TH: variants seen among roughly 807,000 people sequenced by gnomAD.
The protein encoded by TH is tyrosine hydroxylase, also known as tyrosine 3-monooxygenase.
In TH, 49 loss-of-function variants were observed where a neutral mutation model predicts 57.4. The ratio of observed to expected loss-of-function variants is 0.85; its 90% confidence interval spans 0.68 to 1.08. TH has a LOEUF of 1.08. TH is among the 50% of genes least tolerant of loss of function. The probability of loss-of-function intolerance (pLI) is 0.00; values close to 1 mark genes in which losing one functional copy is unlikely to be tolerated. For synonymous variants in TH, 330 were observed against 304.5 expected (o/e 1.08, Z -0.87); for missense variants, 720 against 696.7 (o/e 1.03, Z -0.38).
chr11:2,165,329 C>T lies in TH; in HGVS notation c.1237G>A (p.Asp413Asn), dbSNP rs201996748. Residue 413 changes from aspartate (D) to asparagine (N), a missense_variant, in exon 12 of 13, where the codon GAC becomes AAC. By Grantham distance (23) the Asp-to-Asn change is conservative. Transcript: ENST00000352909. ...GGCTGCACGGCCGCAGCCTCAGGGTCGAAGGCCCGAATCTCAGGCTCCTCA... is the reference window on the plus strand; with the variant it reads ...GGCTGCACGGCCGCAGCCTCAGGGTTGAAGGCCCGAATCTCAGGCTCCTCA... Reference protein sequence around the residue: ...LSEEPEIRAFDPEAAAVQPYQ... With the variant: ...LSEEPEIRAFNPEAAAVQPYQ... 61 of 1,612,216 alleles carry T rather than the reference C, an allele frequency of 3.8e-5. No homozygotes were observed. Among genetic ancestry groups the T allele is most frequent in the Admixed American group, 1.2e-4 (7 of 60,024 alleles).
In TH at chr11:2,164,011, C is replaced by T; in HGVS notation, c.*222G>A. ...AAGGGCGGAGGGCAGTGCAGCAGCC[C>T]CCAGGACCCTGGGAGCCAGGACAGG... On this transcript the variant is annotated 3_prime_UTR_variant, in exon 13 of 13. Transcript: ENST00000352909. 2.5e-6 allele frequency: 1 copy of T among 405,938 alleles called. No homozygotes were observed. The highest frequency in any genetic ancestry group is 4.3e-6 in the Non-Finnish European group (1 of 231,706). 25.1% of individuals were successfully genotyped at this position (405,938 alleles called of 1,614,324 possible). A position where few individuals can be genotyped will look rare whatever the true frequency, so the allele number is the denominator to read the frequency against.
Position 2,164,400 on chromosome 11 carries a change from G to A in TH, c.1335-8C>T. On this transcript the variant is annotated splice_polypyrimidine_tract_variant and splice_region_variant and intron_variant, in intron 12 of 12. Transcript: ENST00000352909. The stretch of plus-strand genomic sequence containing the variant: ...ATGCGTGAGGCATAGCTCCTGGGGA[G>A]GAGAGCGGCAGAGCCCTCGTCAACT... 6.5e-7 allele frequency: 1 copy of A among 1,546,320 alleles called. No homozygotes were observed. Among genetic ancestry groups the A allele is most frequent in the East Asian group, 2.4e-5 (1 of 41,758 alleles).
rs1323498053 is a variant in TH, at chr11:2,166,712, G to A, written c.898C>T (p.Leu300=). 1 of 1,552,208 alleles carries A rather than the reference G, an allele frequency of 6.4e-7. No homozygotes were observed. Among genetic ancestry groups the A allele is most frequent in the African/African-American group, 1.4e-5 (1 of 73,330 alleles). Residue 300 remains leucine, a synonymous_variant, in exon 8 of 13, where the codon CTG becomes TTG. Transcript: ENST00000352909. ...VAGLLSARDF[L]ASLAFRVFQC... is the part of the protein sequence containing the mutation. ...AACACGCGGAAGGCCAGGCTGGCCA[G>A]GAAGTCCCGGGCGGACAGCAGGCCG...
intron 6 of TH, 21 bp downstream of exon 6, chr11:2,167,414 C>G: frequency 6.4e-7 from 1 of 1,556,526 alleles, no homozygotes. Flanking sequence ...TCCCCAGCCC[C>G]TAGCTGCACG....
chr11:2,167,248 G>T, intron 6 of TH, 187 bp downstream of exon 6: 1 of 956,388 alleles, frequency 1.0e-6, no homozygotes, highest in Non-Finnish European at 1.6e-6. Flanking sequence ...AGCACACTGG[G>T]GATGGCCCGA....
rs1846239099 is a variant in TH, at chr11:2,170,998, A to C, written c.90+699T>G. ...CACCGAAGACCCCTCCTGTGGGCTGAAAAGCTCCCGATTATCCAGCCTGGC... is the reference window on the plus strand; with the variant it reads ...CACCGAAGACCCCTCCTGTGGGCTGCAAAGCTCCCGATTATCCAGCCTGGC... On this transcript the variant is annotated intron_variant, in intron 1 of 12. Transcript: ENST00000352909. This position sits in a 1 kb window ranked among gnomAD's most constrained non-coding sequence, Gnocchi z 6.0. Among the ~76,000 whole-genome samples, 1 of 152,122 alleles carries C rather than the reference A, an allele frequency of 6.6e-6. No individual in the cohort carries two copies. Among genetic ancestry groups the C allele is most frequent in the Admixed American group, 6.5e-5 (1 of 15,282 alleles).
In TH at chr11:2,167,884, A is replaced by G. The variant is rs1846143596; in HGVS notation, c.626T>C (p.Ile209Thr). Residue 209 changes from isoleucine (I) to threonine (T), a missense_variant, in exon 5 of 13, where the codon ATC becomes ACC. By Grantham distance (89) the Ile-to-Thr change is moderately conservative. Coordinates refer to ENST00000352909, the MANE Select transcript of TH (RefSeq NM_000360.4). ...YRQRRKLIAEIAFQYRHGDPI... is the reference protein window; with the variant it reads ...YRQRRKLIAETAFQYRHGDPI... ...CCCTCACTGCCTGTACTGGAAGGCGATCTCAGCAATCAGCTTCCTGCGCTG... is the reference window on the plus strand; with the variant it reads ...CCCTCACTGCCTGTACTGGAAGGCGGTCTCAGCAATCAGCTTCCTGCGCTG... 1.2e-6 allele frequency: 2 copies of G among 1,609,096 alleles called. No individual in the cohort carries two copies. The highest frequency in any genetic ancestry group is 1.3e-5 in the African/African-American group (1 of 74,828).
At position 2,170,115 on chromosome 11, in the gene TH, C is replaced by T. The variant is rs956094233; in HGVS notation, c.91-244G>A. ...AGTGGTGGTGGGGGAGGAGTGGGGGCTGGGAAGGTGCTCGCCTGCTCCCCA... is the reference window on the plus strand; with the variant it reads ...AGTGGTGGTGGGGGAGGAGTGGGGGTTGGGAAGGTGCTCGCCTGCTCCCCA... On this transcript the variant is annotated intron_variant, in intron 1 of 12. Transcript: ENST00000352909. The surrounding 1 kb of genome is among the most constrained non-coding windows in gnomAD (Gnocchi z 6.0). 6.6e-6 allele frequency among the ~76,000 whole-genome samples: 1 copy of T among 152,118 alleles called. No homozygotes were observed. Among genetic ancestry groups the T allele is most frequent in the Non-Finnish European group, 1.5e-5 (1 of 68,004 alleles).
chr11:2,171,667 C>T lies in TH; in HGVS notation c.90+30G>A, dbSNP rs200408490. ...ACCAGCCCTGGGCTCCGGTCCACTG[C>T]GGCCGCCGGGCACCTACCTGCCCTC... On this transcript the variant is annotated intron_variant, in intron 1 of 12. Coordinates refer to ENST00000352909, the MANE Select transcript of TH (RefSeq NM_000360.4). This position sits in a 1 kb window ranked among gnomAD's most constrained non-coding sequence, Gnocchi z 8.6. The T allele has an allele frequency of 9.6e-5, 155 of 1,606,450 alleles. 2 individuals carry two copies. The highest frequency in any genetic ancestry group is 9.3e-4 in the South Asian group (85 of 90,944).
At position 2,171,268 on chromosome 11, in the gene TH, G is replaced by C. The variant is rs1846249703; in HGVS notation, c.90+429C>G. On this transcript the variant is annotated intron_variant, in intron 1 of 12. Transcript: ENST00000352909. This position sits in a 1 kb window ranked among gnomAD's most constrained non-coding sequence, Gnocchi z 8.6. ...GCTGCCTCCCCAAGCAGGCAGGCTG[G>C]TTGGGGTGCTGACTAGGGCAGCTGG... 6.6e-6 allele frequency among the ~76,000 whole-genome samples: 1 copy of C among 152,024 alleles called. No homozygotes were observed. Among genetic ancestry groups the C allele is most frequent in the Non-Finnish European group, 1.5e-5 (1 of 67,966 alleles).
At chr11:2,167,134 G>A in intron 6 of TH, 102 bp from the exon 7 acceptor site, 5 of 1,501,226 alleles carry the variant, frequency 3.3e-6, no homozygotes, top group Non-Finnish European at 2.7e-6. Flanking sequence ...CCCTACCAAC[G>A]CAGGCCTCTT....
chr11:2,168,412 AG>A, intron 3 of TH, 78 bp downstream of exon 3: 1 of 1,578,458 alleles, frequency 6.3e-7, no homozygotes, highest in South Asian at 1.1e-5. Context: ...TGGTCACTGT[AG>A]GGTCCCCCTG....
chr11:2,166,856 C>G (rs539908550), intron 7 of TH, 31 bp downstream of exon 7: 1 of 1,594,786 alleles, frequency 6.3e-7, no homozygotes, highest in Non-Finnish European at 8.5e-7. Context: ...CCCCGGCCCC[C>G]CGGCTCTGCG....
At position 2,165,729 on chromosome 11, in the gene TH, T is replaced by C; in HGVS notation, c.1139A>G (p.Lys380Arg). Residue 380 changes from lysine (K) to arginine (R), a missense_variant, in exon 11 of 13, where the codon AAG (lysine) becomes AGG (arginine). Coordinates refer to ENST00000352909, the MANE Select transcript of TH (RefSeq NM_000360.4). ...ATAGGCCTTCACCTCCCCGTTCTGCTTACACAGCCCGAACTCCACCGTGAA... is the reference window on the plus strand; with the variant it reads ...ATAGGCCTTCACCTCCCCGTTCTGCCTACACAGCCCGAACTCCACCGTGAA... ...YWFTVEFGLC[K>R]QNGEVKAYGA... 1 of 1,612,632 alleles carries C rather than the reference T, an allele frequency of 6.2e-7. No individual in the cohort carries two copies. Among genetic ancestry groups the C allele is most frequent in the Non-Finnish European group, 8.5e-7 (1 of 1,179,926 alleles).
intron 5 of TH, 181 bp downstream of exon 5, chr11:2,167,685 T>C: frequency 9.2e-7 from 1 of 1,087,472 alleles, no homozygotes; most frequent in Non-Finnish European, 1.3e-6. Flanking sequence ...CTAGCCCCCC[T>C]GGGCCTCAGT....
intron 1 of TH, 86 bp from the exon 2 acceptor site, chr11:2,169,957 G>A (rs1383988539): frequency 1.8e-5 from 24 of 1,344,662 alleles, no homozygotes; most frequent in African/African-American, 5.8e-5. Flanking sequence ...GTCGGGCAGC[G>A]CTGATGGCAC....
Position 2,171,403 on chromosome 11 carries a change from G to A in TH, c.90+294C>T, listed in dbSNP as rs575280079. Among the ~76,000 whole-genome samples the A allele has an allele frequency of 1.6e-4, 25 of 151,884 alleles. No homozygotes were observed. The highest frequency in any genetic ancestry group is 6.0e-4 in the African/African-American group (25 of 41,402). On this transcript the variant is annotated intron_variant, in intron 1 of 12. Coordinates refer to ENST00000352909, the MANE Select transcript of TH (RefSeq NM_000360.4). The surrounding 1 kb of genome is among the most constrained non-coding windows in gnomAD (Gnocchi z 8.6). The stretch of plus-strand genomic sequence containing the variant: ...ATGGATTTGTTTCCACATTCCGATC[G>A]TTAAGATTCAAGATGAAACAAGACA...
intron 9 of TH, 155 bp from the exon 10 acceptor site, chr11:2,166,213 C>CG: frequency 1.1e-6 from 1 of 919,150 alleles, no homozygotes; most frequent in Non-Finnish European, 1.7e-6. Context: ...GCACCTCCAC[C>CG]GGGCCTCCTC....
At chr11:2,168,739 G>GGGGA in intron 2 of TH, 74 bp from the exon 3 acceptor site, 2 of 449,654 alleles carry the variant, frequency 4.4e-6, no homozygotes, top group Admixed American at 4.9e-5. Flanking sequence ...GGGGTGGGCG[G>GGGGA]GGAGGAGGCA....
Sources: allele counts gnomAD v4.1 joint callset (sites outside exome capture counted in the v4.1 genomes callset), GRCh38; gene constraint gnomAD v4.1.1; non-coding constraint Gnocchi (gnomAD v3.1); transcripts MANE v1.5; gene names NCBI Gene and HGNC (gene_info 2026-07-23, HGNC 2026-07-21).